The following ZNF540 variants were observed in gnomAD, a reference collection of about 807,000 sequenced individuals.
ZNF540 encodes the protein zinc finger protein 540.
Under a neutral mutation model 11.8 loss-of-function variants are expected in ZNF540, and 3 were observed. That is an observed-to-expected ratio of 0.25 (90% CI 0.12 to 0.65). ZNF540 has a LOEUF of 0.65. Ranked by LOEUF, ZNF540 falls within the 30% of genes least tolerant of loss-of-function variation. ZNF540 has a pLI of 0.83. For missense variants in ZNF540, 709 were observed against 793.1 expected, an observed-to-expected ratio of 0.89 and a Z score of 1.27; for synonymous variants, 247 against 259.0, an observed-to-expected ratio of 0.95 and a Z score of 0.45.
intron 1 of ZNF540, among the ~76,000 whole-genome samples, chr19:37,598,013 G>A (rs879864914): frequency 6.6e-6 from 1 of 152,272 alleles, no homozygotes; most frequent in Non-Finnish European, 1.5e-5. Flanking sequence ...AAGGCAGTCT[G>A]CTTTGGATAA....
chr19:37,601,086 G>A lies in ZNF540; in HGVS notation c.213G>A (p.Val71=). The part of the protein sequence containing the change: ...GKEPCVVARD[V]TGRQCPGLLS... Reference sequence around the variant, plus strand: ...AGCCCTGCGTGGTGGCGAGGGATGTGACAGGAAGACAGTGCCCCGGTGAGT... The same window carrying A: ...AGCCCTGCGTGGTGGCGAGGGATGTAACAGGAAGACAGTGCCCCGGTGAGT... Residue 71 remains valine, a synonymous_variant, in exon 4 of 5, where the codon GTG becomes GTA. Coordinates refer to ENST00000316433, the MANE Select transcript of ZNF540 (RefSeq NM_001172225.3). 1 of 1,580,884 alleles carries A rather than the reference G, an allele frequency of 6.3e-7. No individual in the cohort carries two copies. Among genetic ancestry groups the A allele is most frequent in the Non-Finnish European group, 8.6e-7 (1 of 1,163,052 alleles).
At chr19:37,553,683 T>A (rs1291437522) in intron 1 of ZNF540, among the ~76,000 whole-genome samples, 1 of 152,178 alleles carries the variant, frequency 6.6e-6, no homozygotes, top group Non-Finnish European at 1.5e-5. Context: ...CAACATTCAT[T>A]TTTAGCTTTC....
At position 37,612,080 on chromosome 19, in the gene ZNF540, G is replaced by A; in HGVS notation, c.800G>A (p.Gly267Asp). ...QLNRHQKIHT[G>D]KKPYMCKKCD... ...AATCGACATCAGAAAATTCACACTGGTAAAAAACCCTATATGTGTAAGAAA... is the reference window on the plus strand; with the variant it reads ...AATCGACATCAGAAAATTCACACTGATAAAAAACCCTATATGTGTAAGAAA... The change falls in exon 5 of 5, where the codon GGT (glycine) becomes GAT (aspartate). Residue 267 changes from glycine (G) to aspartate (D), a missense_variant. Transcript: ENST00000316433. 6.2e-7 allele frequency: 1 copy of A among 1,611,586 alleles called. No individual in the cohort carries two copies. The highest frequency in any genetic ancestry group is 8.5e-7 in the Non-Finnish European group (1 of 1,179,584).
intron 1 of ZNF540, among the ~76,000 whole-genome samples, chr19:37,571,781 A>T (rs978004674): frequency 6.6e-6 from 1 of 152,182 alleles, no homozygotes; most frequent in East Asian, 1.9e-4. Context: ...CAGAAACATG[A>T]TAAGTATGGG....
chr19:37,593,837 G>A (rs542018705), upstream of ZNF540, among the ~76,000 whole-genome samples: 3 of 152,284 alleles, frequency 2.0e-5, no homozygotes, highest in Non-Finnish European at 4.4e-5. Flanking sequence ...CATTTATGGG[G>A]TGCCTAAGGA....
At chr19:37,587,770 GTCCTCCCCGC>G (rs2043727160) in intron 1 of ZNF540, among the ~76,000 whole-genome samples, 1 of 151,988 alleles carries the variant, frequency 6.6e-6, no homozygotes, top group Non-Finnish European at 1.5e-5. Flanking sequence ...CTAAGATTTT[GTCCTCCCCGC>G]TAACCAATTT....
chr19:37,598,716 G>C (rs1297584223), intron 2 of ZNF540, among the ~76,000 whole-genome samples: 1 of 152,266 alleles, frequency 6.6e-6, no homozygotes, highest in African/African-American at 2.4e-5. Flanking sequence ...ACCATCCTTT[G>C]TCAGATCTGA....
intron 1 of ZNF540, chr19:37,583,823 A>C: frequency 5.5e-6 from 4 of 724,010 alleles, no homozygotes; most frequent in African/African-American, 1.8e-5. Flanking sequence ...CTAAAGGATA[A>C]GAGATAAAAA....
chr19:37,592,121 G>A (rs1270332568), upstream of ZNF540, among the ~76,000 whole-genome samples: 2 of 152,008 alleles, frequency 1.3e-5, no homozygotes, highest in Non-Finnish European at 2.9e-5. Context: ...AGCCAGGTGT[G>A]GTGGCACATG....
chr19:37,566,053 A>G, intron 1 of ZNF540: 1 of 1,614,104 alleles, frequency 6.2e-7, no homozygotes, highest in Non-Finnish European at 8.5e-7. Context: ...GAAAAGTAGA[A>G]GAGGTTGAAT....
At position 37,611,627 on chromosome 19, in the gene ZNF540, C is replaced by T. The variant is rs2044129416; in HGVS notation, c.347C>T (p.Ser116Phe). The change falls in exon 5 of 5, where the codon TCC becomes TTC. Residue 116 changes from serine to phenylalanine, a missense_variant. Physicochemically the swap from Ser to Phe is radical, Grantham distance 155. Transcript: ENST00000316433. Reference protein sequence around the residue: ...EKSKTLRLKGSIFRNEWQNKS... With the variant: ...EKSKTLRLKGFIFRNEWQNKS... ...AGTAAAACTCTTCGTCTGAAAGGAT[C>T]CATTTTTAGAAATGAGTGGCAGAAC... The T allele has an allele frequency of 6.2e-7, 1 of 1,613,782 alleles. No individual in the cohort carries two copies. The highest frequency in any genetic ancestry group is 8.5e-7 in the Non-Finnish European group (1 of 1,179,938).
In ZNF540 at chr19:37,613,126, T is replaced by G. The variant is rs747977725; in HGVS notation, c.1846T>G (p.Phe616Val). 9 of 1,614,040 alleles carry G rather than the reference T, an allele frequency of 5.6e-6. No homozygotes were observed. The East Asian group carries it at 1.3e-4, about 24-fold the overall frequency. The part of the protein sequence containing the change: ...PYECKQCGKA[F>V]RLNSHLTEHQ... ...TGAGTGTAAACAATGTGGGAAGGCC[T>G]TTAGACTTAATTCACACCTTACTGA... The change falls in exon 5 of 5, where the codon TTT (phenylalanine) becomes GTT (valine). Residue 616 changes from phenylalanine (F) to valine (V), a missense_variant. Coordinates refer to ENST00000316433, the MANE Select transcript of ZNF540 (RefSeq NM_001172225.3).
intron 1 of ZNF540, among the ~76,000 whole-genome samples, chr19:37,588,127 A>T (rs2147207612): frequency 7.2e-6 from 1 of 139,852 alleles, no homozygotes; most frequent in South Asian, 2.3e-4. Context: ...AAAAAAAAAA[A>T]ATCCCATGGG....
intron 4 of ZNF540, among the ~76,000 whole-genome samples, chr19:37,607,315 C>G (rs1463456099): frequency 6.6e-6 from 1 of 152,172 alleles, no homozygotes; most frequent in South Asian, 2.1e-4. Context: ...TACATTGACA[C>G]ATCATTACCA....
chr19:37,609,685 T>C (rs927567671), intron 4 of ZNF540, among the ~76,000 whole-genome samples: 2 of 151,150 alleles, frequency 1.3e-5, no homozygotes, highest in Non-Finnish European at 2.9e-5. Flanking sequence ...CTGTCTCTAC[T>C]AAAAATACAA....
intron 1 of ZNF540, chr19:37,564,442 GAATT>G (rs2147146702): frequency 9.3e-6 from 5 of 538,156 alleles, no homozygotes; most frequent in South Asian, 6.0e-5. Flanking sequence ...AGATGTTAAG[GAATT>G]ATTTAAGGGG....
intron 1 of ZNF540, chr19:37,566,315 T>C (rs1217043983): frequency 6.4e-7 from 1 of 1,565,820 alleles, no homozygotes; most frequent in Non-Finnish European, 8.6e-7. Flanking sequence ...AGAAAGCAAA[T>C]TCCTGCTTTT....
chr19:37,569,042 C>T lies in ZNF540; in HGVS notation c.-73+17377C>T, dbSNP rs768767995. Reference sequence around the variant, plus strand: ...TGCCATCTCAGCTCACTGCAACCTCCGCCTCCAGGTTCAAGCAATTCTGCC... The same window carrying T: ...TGCCATCTCAGCTCACTGCAACCTCTGCCTCCAGGTTCAAGCAATTCTGCC... On this transcript the variant is annotated intron_variant, in intron 1 of 4. Transcript: ENST00000592533. This position sits in a 1 kb window ranked among gnomAD's most constrained non-coding sequence, Gnocchi z 4.4. Among the ~76,000 whole-genome samples, 3 of 152,010 alleles carry T rather than the reference C, an allele frequency of 2.0e-5. No homozygotes were observed. Among genetic ancestry groups the T allele is most frequent in the Admixed American group, 6.6e-5 (1 of 15,248 alleles).
At chr19:37,564,505 A>G in intron 1 of ZNF540, 1 of 1,216,524 alleles carries the variant, frequency 8.2e-7, no homozygotes, top group Non-Finnish European at 1.1e-6. Flanking sequence ...TCTAAGAATG[A>G]GCAGATTCTG....
Sources: gnomAD v4.1 joint callset for allele counts (sites outside exome capture counted in the v4.1 genomes callset) on GRCh38, gnomAD v4.1.1 for gene constraint, Gnocchi (gnomAD v3.1) non-coding constraint, MANE v1.5 for transcripts, NCBI Gene and HGNC (gene_info 2026-07-23, HGNC 2026-07-21) for gene names.